DCC: variants seen among roughly 807,000 people sequenced by gnomAD.
The protein encoded by DCC is netrin receptor DCC.
A neutral mutation model predicts 172.5 loss-of-function variants in DCC; 58 were observed. That is an observed-to-expected ratio of 0.34 (90% confidence interval 0.27 to 0.42). The LOEUF (loss-of-function observed/expected upper bound fraction) is 0.42. DCC is among the 10% of genes least tolerant of loss of function. The pLI, the probability that DCC is intolerant of heterozygous loss-of-function variation, is 1.00. For synonymous variants in DCC, 709 were observed against 644.5 expected (o/e 1.10, Z -1.52); for missense variants, 1,740 against 1,791.0 (o/e 0.97, Z 0.51).
chr18:52,736,308 C>A (rs1245196079), intron 1 of DCC, among the ~76,000 whole-genome samples: 1 of 151,730 alleles, frequency 6.6e-6, no homozygotes, highest in Middle Eastern at 3.2e-3. Context: ...GAAAAATCAC[C>A]CAGTGTTTGT....
At chr18:53,283,947 A>G (rs1165331012) in intron 12 of DCC, among the ~76,000 whole-genome samples, 3 of 152,212 alleles carry the variant, frequency 2.0e-5, no homozygotes, top group Non-Finnish European at 1.5e-5. Context: ...GAACTGTGAT[A>G]AACACTATGA....
chr18:53,111,419 A>G (rs2043329511), intron 7 of DCC, among the ~76,000 whole-genome samples: 2 of 104,216 alleles, frequency 1.9e-5, no homozygotes, highest in Admixed American at 1.7e-4. Context: ...ATAAAATAAA[A>G]AAAGACAAAA....
intron 5 of DCC, among the ~76,000 whole-genome samples, chr18:52,986,902 A>G (rs2041305553): frequency 1.3e-5 from 2 of 151,684 alleles, no homozygotes; most frequent in Admixed American, 6.6e-5. Flanking sequence ...AGCTCACTGC[A>G]ACCTCCGCCT....
At chr18:52,850,128 T>C (rs2145337732) in intron 2 of DCC, among the ~76,000 whole-genome samples, 1 of 152,320 alleles carries the variant, frequency 6.6e-6, no homozygotes, top group East Asian at 1.9e-4. Context: ...GATTTATTTC[T>C]GCATTTCTAC....
chr18:52,369,300 T>A (rs567783014), intron 1 of DCC, among the ~76,000 whole-genome samples: 1 of 152,164 alleles, frequency 6.6e-6, no homozygotes, highest in South Asian at 2.1e-4. Flanking sequence ...CCACTTTAGA[T>A]CCTTCAATAG....
At chr18:52,818,348 G>C (rs1225471350) in intron 2 of DCC, 1 of 150,742 alleles carries the variant, frequency 6.6e-6, no homozygotes, top group East Asian at 2.0e-4. Context: ...GGAGGTCAAG[G>C]CTGCAGCGAG....
intron 1 of DCC, among the ~76,000 whole-genome samples, chr18:52,367,095 T>G (rs1314213457): frequency 1.3e-5 from 2 of 152,178 alleles, no homozygotes; most frequent in Non-Finnish European, 2.9e-5. Flanking sequence ...GCAGCGCCGG[T>G]GGGCTGGCAC....
At chr18:53,194,019 C>A (rs1555728173) in intron 9 of DCC, among the ~76,000 whole-genome samples, 1 of 152,132 alleles carries the variant, frequency 6.6e-6, no homozygotes, top group Non-Finnish European at 1.5e-5. Flanking sequence ...ATTGATTGTT[C>A]CCATATTGAC....
intron 12 of DCC, among the ~76,000 whole-genome samples, chr18:53,258,411 A>G (rs1222693684): frequency 6.6e-5 from 10 of 151,750 alleles, no homozygotes; most frequent in Non-Finnish European, 1.5e-4. Flanking sequence ...GATATGTTGT[A>G]TCTTTGTTCT....
chr18:53,139,399 G>A (rs1334386651), intron 7 of DCC, among the ~76,000 whole-genome samples: 2 of 152,148 alleles, frequency 1.3e-5, no homozygotes, highest in East Asian at 3.8e-4. Context: ...TGAGGAAATA[G>A]GGTCAAAGGA....
intron 1 of DCC, among the ~76,000 whole-genome samples, chr18:52,391,968 G>A (rs928100751): frequency 6.6e-6 from 1 of 152,172 alleles, no homozygotes; most frequent in African/African-American, 2.4e-5. Context: ...CTTTAAAGCT[G>A]CCAGTGTAGC....
At chr18:52,897,806 C>T (rs892180214) in intron 2 of DCC, among the ~76,000 whole-genome samples, 2 of 152,068 alleles carry the variant, frequency 1.3e-5, no homozygotes, top group Admixed American at 1.3e-4. Flanking sequence ...AGCCAACCAC[C>T]TGGGAGTCTG....
chr18:53,210,497 T>C (rs2055732541), intron 11 of DCC, among the ~76,000 whole-genome samples: 1 of 152,198 alleles, frequency 6.6e-6, no homozygotes, highest in Admixed American at 6.5e-5. Flanking sequence ...ATATGAAGGA[T>C]GCTGTTATAT....
chr18:52,902,084 C>T (rs903719900), intron 2 of DCC, among the ~76,000 whole-genome samples: 3 of 152,024 alleles, frequency 2.0e-5, no homozygotes, highest in Non-Finnish European at 4.4e-5. Flanking sequence ...AGAGGAAGTT[C>T]CATAAGAAAT....
intron 2 of DCC, among the ~76,000 whole-genome samples, chr18:52,868,354 C>G (rs1157823397): frequency 6.6e-6 from 1 of 152,108 alleles, no homozygotes; most frequent in Non-Finnish European, 1.5e-5. Context: ...AAATTACTCC[C>G]AGAAGTAGGC....
intron 21 of DCC, among the ~76,000 whole-genome samples, chr18:53,421,614 G>T (rs186986320): frequency 8.5e-5 from 13 of 152,284 alleles, no homozygotes; most frequent in Admixed American, 8.5e-4. Flanking sequence ...AAGTCACTCA[G>T]TGTGTGCTAT....
chr18:53,514,271 A>T (rs2046303898), intron 27 of DCC, among the ~76,000 whole-genome samples: 1 of 152,308 alleles, frequency 6.6e-6, no homozygotes, highest in East Asian at 1.9e-4. Context: ...AAGACACAAC[A>T]TACCAGAATC....
intron 7 of DCC, among the ~76,000 whole-genome samples, chr18:53,135,559 G>A (rs1158581126): frequency 6.6e-6 from 1 of 152,128 alleles, no homozygotes; most frequent in Non-Finnish European, 1.5e-5. Flanking sequence ...TCTTCTTCCA[G>A]TGTGGGTACA....
chr18:52,597,980 G>A (rs2033941351), intron 1 of DCC, among the ~76,000 whole-genome samples: 1 of 152,068 alleles, frequency 6.6e-6, no homozygotes, highest in African/African-American at 2.4e-5. Flanking sequence ...TGTTTTTCCT[G>A]AATTTTTACA....
Sources: allele counts gnomAD v4.1 joint callset (sites outside exome capture counted in the v4.1 genomes callset), GRCh38; gene constraint gnomAD v4.1.1; transcripts MANE v1.5; gene names NCBI Gene and HGNC (gene_info 2026-07-23, HGNC 2026-07-21).